Variants in ZNF395 observed in about 807,000 individuals in gnomAD.
The protein encoded by ZNF395 is zinc finger protein 395.
ZNF395 carries 20 observed loss-of-function variants against 57.7 expected under a neutral mutation model. That is an observed-to-expected ratio of 0.35 (90% CI 0.24 to 0.50). ZNF395 has a LOEUF of 0.50. ZNF395 is among the 20% of genes least tolerant of loss of function. ZNF395 has a pLI of 0.97. For missense variants in ZNF395, 606 were observed against 671.2 expected, an observed-to-expected ratio of 0.90 and a Z score of 1.07; for synonymous variants, 295 against 275.9, an observed-to-expected ratio of 1.07 and a Z score of -0.69.
chr8:28,385,117 G>A lies in ZNF395; in HGVS notation c.-59+1276C>T, dbSNP rs1034771309. On this transcript the variant is annotated intron_variant, in intron 1 of 9. Coordinates refer to ENST00000344423, the MANE Select transcript of ZNF395 (RefSeq NM_018660.3). Reference sequence around the variant, plus strand: ...CCCCCAGGTGTACTTTTCTAGAAAGGGGGTTCTAAGAAAAGCAGCGCCGGC... The same window carrying A: ...CCCCCAGGTGTACTTTTCTAGAAAGAGGGTTCTAAGAAAAGCAGCGCCGGC... 2.0e-5 allele frequency: 3 copies of A among 152,266 alleles called. No homozygotes were observed. In the East Asian group the frequency reaches 5.8e-4, roughly 29 times the overall value. 9.4% of individuals were successfully genotyped at this position (152,266 alleles called of 1,614,324 possible).
At chr8:28,385,336 C>G (rs570819368) in intron 1 of ZNF395, 2 of 152,226 alleles carry the variant, frequency 1.3e-5, no homozygotes, top group East Asian at 3.9e-4. Context: ...GCCCTGCACT[C>G]CCAGGCAGGG....
chr8:28,381,014 AGTGTGTGTGTGTGTGTGTGTGT>A (rs10561721), intron 1 of ZNF395, among the ~76,000 whole-genome samples: 34 of 134,212 alleles, frequency 2.5e-4, no homozygotes, highest in African/African-American at 8.8e-4. Flanking sequence ...ACACCCTGCT[AGTGTGTGTGTGTGTGTGTGTGT>A]GTGTGTGTGT....
chr8:28,373,194 T>C (rs534802549), intron 1 of ZNF395, among the ~76,000 whole-genome samples: 1 of 152,316 alleles, frequency 6.6e-6, no homozygotes, highest in East Asian at 1.9e-4. Flanking sequence ...CAAAGGGGCC[T>C]CTGCCTCTCC....
chr8:28,360,739 T>G (rs1260370689), intron 2 of ZNF395, 146 bp downstream of exon 2: 4 of 1,159,542 alleles, frequency 3.4e-6, no homozygotes, highest in Non-Finnish European at 4.7e-6. Flanking sequence ...TTGGGCGATC[T>G]GCTGCCCAGG....
chr8:28,346,115 G>A lies in ZNF395; in HGVS notation c.*2604C>T, dbSNP rs1483234845. On this transcript the variant is annotated 3_prime_UTR_variant, in exon 10 of 10. Transcript: ENST00000344423. ...TAAGGCTGCTCAACACACAGCCCCA[G>A]ACTCTGAATATGATTCCAAGAAATA... The A allele has an allele frequency of 2.0e-5, 3 of 152,158 alleles. No individual in the cohort carries two copies. Among genetic ancestry groups the A allele is most frequent in the Non-Finnish European group, 4.4e-5 (3 of 68,018 alleles). 9.4% of individuals were successfully genotyped at this position (152,158 alleles called of 1,614,324 possible). A position where few individuals can be genotyped will look rare whatever the true frequency, so the allele number is the denominator to read the frequency against.
At chr8:28,357,919 A>G (rs1394737147) in intron 3 of ZNF395, among the ~76,000 whole-genome samples, 1 of 152,198 alleles carries the variant, frequency 6.6e-6, no homozygotes, top group Non-Finnish European at 1.5e-5. Flanking sequence ...ATGTACATAC[A>G]GCATATAACA....
chr8:28,348,635 T>A lies in ZNF395; in HGVS notation c.*84A>T. 7.9e-7 allele frequency: 1 copy of A among 1,270,754 alleles called. No individual in the cohort carries two copies. Among genetic ancestry groups the A allele is most frequent in the Admixed American group, 1.8e-5 (1 of 56,734 alleles). The allele number at this position is 1,270,754 out of a possible 1,614,324, so 78.7% of individuals were successfully genotyped here. ...CGTGTTTCCGTTCTTTCTCTTTCGG[T>A]TTCTGCTGAGGGCTGGTGACACACT... On this transcript the variant is annotated 3_prime_UTR_variant, in exon 10 of 10. Transcript: ENST00000344423.
At chr8:28,351,916 G>C in intron 6 of ZNF395, 109 bp from the exon 7 acceptor site, 2 of 1,335,434 alleles carry the variant, frequency 1.5e-6, no homozygotes, top group African/African-American at 1.5e-5. Context: ...CAGCAAGCCA[G>C]GGACGGAGCC....
At chr8:28,377,604 A>T (rs1802056674) in intron 1 of ZNF395, among the ~76,000 whole-genome samples, 2 of 152,044 alleles carry the variant, frequency 1.3e-5, no homozygotes, top group South Asian at 4.2e-4. Flanking sequence ...CTGGGGATAT[A>T]AATCCACAGT....
chr8:28,351,563 G>T lies in ZNF395; in HGVS notation c.1165C>A (p.Pro389Thr). 1 of 1,613,912 alleles carries T rather than the reference G, an allele frequency of 6.2e-7. No homozygotes were observed. The highest frequency in any genetic ancestry group is 2.2e-5 in the East Asian group (1 of 44,874). Residue 389 changes from proline (P) to threonine (T), a missense_variant, in exon 7 of 10, where the codon CCC (proline) becomes ACC (threonine). Coordinates refer to ENST00000344423, the MANE Select transcript of ZNF395 (RefSeq NM_018660.3). ...PEHPGPESSL[P>T]SGALSKSAPG... ...GCTGACTTGCTGAGAGCCCCTGAGG[G>T]CAGGGAGGACTCCGGGCCAGGATGT...
rs73570782 is a variant in ZNF395, at chr8:28,353,356, G to A, written c.636C>T (p.Ser212=). 4.5e-3 allele frequency: 7,170 copies of A among 1,596,178 alleles called. 296 individuals are homozygous for A. The African/African-American group carries it at 0.083, about 19-fold the overall frequency. Residue 212 remains serine (S), a synonymous_variant, in exon 5 of 10, where the codon AGC becomes AGT. Coordinates refer to ENST00000344423, the MANE Select transcript of ZNF395 (RefSeq NM_018660.3). ...PWKESGDISD[S]GSSTTSGHWS... ...AGTGACCGCTGGTAGTGCTGCTGCC[G>A]CTGTCCGAGATGTCACCACTCTCCT... is the stretch of plus-strand genomic sequence containing the variant.
In ZNF395 at chr8:28,361,102, C is replaced by T. The variant is rs774309175; in HGVS notation, c.23G>A (p.Arg8His). MASVLSR[R>H]LGKRSLLGAR... ...TCCCAGGAGGGACCGCTTTCCAAGG[C>T]GTCGGGACAGGACACTCGCCATGCT... The change falls in exon 2 of 10, where the codon CGC becomes CAC. Residue 8 changes from arginine (R) to histidine (H), a missense_variant. Arg to His is a conservative substitution (Grantham distance 29). This residue lies in a region of ZNF395 where 309 missense variants were observed against 374.7 expected (regional missense o/e 0.82). Transcript: ENST00000344423. 14 of 1,612,472 alleles carry T rather than the reference C, an allele frequency of 8.7e-6. No individual in the cohort carries two copies. The highest frequency in any genetic ancestry group is 1.7e-5 in the Admixed American group (1 of 60,018).
intron 1 of ZNF395, among the ~76,000 whole-genome samples, chr8:28,363,264 T>C (rs988737759): frequency 1.3e-5 from 2 of 152,088 alleles, no homozygotes. Context: ...CCCAAGTAGC[T>C]GGAACCACAG....
chr8:28,383,567 C>A (rs1802135906), intron 1 of ZNF395, among the ~76,000 whole-genome samples: 1 of 152,196 alleles, frequency 6.6e-6, no homozygotes, highest in Non-Finnish European at 1.5e-5. Flanking sequence ...ACAGCCCATA[C>A]TCCTCAGGGC....
chr8:28,376,251 C>T (rs1383219358), intron 1 of ZNF395, among the ~76,000 whole-genome samples: 1 of 152,182 alleles, frequency 6.6e-6, no homozygotes, highest in Non-Finnish European at 1.5e-5. Flanking sequence ...GCTGGGACCA[C>T]AGGTAGTCTC....
intron 2 of ZNF395, 61 bp downstream of exon 2, chr8:28,360,824 C>A: frequency 1.3e-6 from 2 of 1,587,940 alleles, no homozygotes; most frequent in Non-Finnish European, 8.6e-7. Context: ...ACTAGGGCAC[C>A]CCAGCCCCCT....
At chr8:28,380,466 C>T (rs952799149) in intron 1 of ZNF395, among the ~76,000 whole-genome samples, 2 of 152,198 alleles carry the variant, frequency 1.3e-5, no homozygotes, top group African/African-American at 4.8e-5. Context: ...TCTTCACCGC[C>T]AACACTGGGA....
At chr8:28,363,288 C>T (rs1316443021) in intron 1 of ZNF395, among the ~76,000 whole-genome samples, 4 of 152,032 alleles carry the variant, frequency 2.6e-5, no homozygotes, top group Admixed American at 6.5e-5. Context: ...TGCGCTACCA[C>T]GCCTGGCTAA....
intron 1 of ZNF395, among the ~76,000 whole-genome samples, chr8:28,366,061 G>C (rs1801906685): frequency 6.6e-6 from 1 of 152,212 alleles, no homozygotes; most frequent in African/African-American, 2.4e-5. Context: ...CAGAACACAA[G>C]TCATAAGTCA....
Sources: gnomAD v4.1 joint callset for allele counts (sites outside exome capture counted in the v4.1 genomes callset) on GRCh38, gnomAD v4.1.1 for gene constraint, gnomAD v4.1.1 regional missense constraint, MANE v1.5 for transcripts, NCBI Gene and HGNC (gene_info 2026-07-23, HGNC 2026-07-21) for gene names.